CAPN2: variants seen among roughly 807,000 people sequenced by gnomAD.
CAPN2 encodes the protein calpain-2 catalytic subunit.
A neutral mutation model predicts 102.3 loss-of-function variants in CAPN2; 92 were observed. That is an observed-to-expected ratio of 0.90 (90% CI 0.76 to 1.07). The LOEUF is 1.07. CAPN2 is among the 50% of genes least tolerant of loss of function. CAPN2 has a pLI of 0.00. For synonymous variants in CAPN2, 340 were observed against 355.4 expected (o/e 0.96, Z 0.49); for missense variants, 800 against 909.4 (o/e 0.88, Z 1.55).
chr1:223,755,550 G>A lies in CAPN2; in HGVS notation c.1206G>A (p.Glu402=). 1.9e-6 allele frequency: 3 copies of A among 1,614,094 alleles called. No homozygotes were observed. Among genetic ancestry groups the A allele is most frequent in the Admixed American group, 1.7e-5 (1 of 60,024 alleles). Residue 402 remains glutamate (E), a synonymous_variant, in exon 10 of 21, where the codon GAG becomes GAA. Coordinates refer to ENST00000295006, the MANE Select transcript of CAPN2 (RefSeq NM_001748.5). This position sits in a 1 kb window ranked among gnomAD's most constrained non-coding sequence, Gnocchi z 4.1. ...AGGATGAGGACGAGGAGGATGGGGAGAGCGGCTGCACCTTCCTGGTGGGGC... is the reference window on the plus strand; with the variant it reads ...AGGATGAGGACGAGGAGGATGGGGAAAGCGGCTGCACCTTCCTGGTGGGGC... The part of the protein sequence containing the change: ...EEEDEDEEDG[E]SGCTFLVGLI...
At chr1:223,712,196 C>T (rs28370006), upstream of CAPN2, 885 of 152,914 alleles carry the variant, frequency 5.8e-3, 7 homozygotes, top group African/African-American at 0.021. Flanking sequence ...GTTTCCTCGA[C>T]TTCACTACCT....
intron 2 of CAPN2, among the ~76,000 whole-genome samples, chr1:223,738,613 GGCAGGCTCACGT>G (rs1205409659): frequency 5.9e-5 from 9 of 152,182 alleles, no homozygotes; most frequent in African/African-American, 2.2e-4. Flanking sequence ...AGCGCCTCCA[GGCAGGCTCACGT>G]GCACACTCTG....
chr1:223,759,452 G>A lies in CAPN2; in HGVS notation c.1500G>A (p.Arg500=), dbSNP rs375605587. The A allele has an allele frequency of 1.1e-5, 18 of 1,613,996 alleles. No individual in the cohort carries two copies. In the East Asian group the frequency reaches 2.2e-4, roughly 20 times the overall value. Residue 500 remains arginine (R), a synonymous_variant, in exon 12 of 21, where the codon CGG becomes CGA. Transcript: ENST00000295006. This position sits in a 1 kb window ranked among gnomAD's most constrained non-coding sequence, Gnocchi z 4.6. ...EPNKDGDFCI[R]VFSEKKADYQ... ...ACAAGGATGGGGATTTCTGCATCCG[G>A]GTCTTTTCTGAAAAGAAAGCTGACT...
At chr1:223,746,468 C>T (rs988214505) in intron 4 of CAPN2, among the ~76,000 whole-genome samples, 4 of 109,776 alleles carry the variant, frequency 3.6e-5, no homozygotes, top group East Asian at 2.7e-4. Context: ...TAAGGTTCTA[C>T]GAGAATCTTT....
rs1239272985 is a variant in CAPN2 at position 223,754,198 on chromosome 1, C to A, written c.1135+1242C>A. ...CTCTGTGACAGATGAGGAAGCTGAG[C>A]CTCTAAGTCGCATACCAGGGCCACA... On this transcript the variant is annotated intron_variant, in intron 9 of 20. Transcript: ENST00000295006. This position sits in a 1 kb window ranked among gnomAD's most constrained non-coding sequence, Gnocchi z 4.7. 2.0e-5 allele frequency among the ~76,000 whole-genome samples: 3 copies of A among 152,184 alleles called. No homozygotes were observed. Among genetic ancestry groups the A allele is most frequent in the Non-Finnish European group, 1.5e-5 (1 of 68,030 alleles).
chr1:223,733,606 C>G, intron 2 of CAPN2, among the ~76,000 whole-genome samples: 1 of 152,154 alleles, frequency 6.6e-6, no homozygotes, highest in Non-Finnish European at 1.5e-5. Flanking sequence ...CTCCGTGGGT[C>G]CCCAAGAAAG....
upstream of CAPN2, among the ~76,000 whole-genome samples, chr1:223,709,255 G>T (rs1342598707): frequency 1.3e-5 from 2 of 152,296 alleles, no homozygotes; most frequent in African/African-American, 4.8e-5. Context: ...TAAGCAATGG[G>T]TGTCAGAGAC....
chr1:223,708,703 G>A (rs1294852514), upstream of CAPN2, among the ~76,000 whole-genome samples: 3 of 151,812 alleles, frequency 2.0e-5, no homozygotes, highest in East Asian at 1.9e-4. Context: ...CCCGGGAGGC[G>A]AAGGTTGCAG....
rs1661048392 is a variant in CAPN2 at position 223,756,861 on chromosome 1, G to A, written c.1306-508G>A. 6.6e-6 allele frequency among the ~76,000 whole-genome samples: 1 copy of A among 152,224 alleles called. No homozygotes were observed. Among genetic ancestry groups the A allele is most frequent in the African/African-American group, 2.4e-5 (1 of 41,448 alleles). ...ACCGGCTTATGGGCTTGGAAATGCA[G>A]CCACGGGCTTTCAGAGTTGGGACGG... On this transcript the variant is annotated intron_variant, in intron 10 of 20. Transcript: ENST00000295006. This position sits in a 1 kb window ranked among gnomAD's most constrained non-coding sequence, Gnocchi z 4.1.
intron 2 of CAPN2, among the ~76,000 whole-genome samples, chr1:223,742,682 G>C (rs1159611488): frequency 3.7e-5 from 5 of 136,564 alleles, no homozygotes; most frequent in Non-Finnish European, 7.4e-5. Flanking sequence ...ACCACACCTG[G>C]CAAATTTTTG....
intron 2 of CAPN2, among the ~76,000 whole-genome samples, chr1:223,734,712 C>G (rs114913299): frequency 0.017 from 2,551 of 152,248 alleles, 76 homozygotes; most frequent in African/African-American, 0.059. Context: ...ATGTACCAAT[C>G]GAAACTCCAC....
chr1:223,757,747 C>A, intron 11 of CAPN2: 2 of 303,160 alleles, frequency 6.6e-6, no homozygotes, highest in Non-Finnish European at 1.2e-5. Context: ...GCAGACTGTA[C>A]TAGAAGACAA....
chr1:223,737,933 A>C (rs1164599466), intron 2 of CAPN2, among the ~76,000 whole-genome samples: 1 of 152,120 alleles, frequency 6.6e-6, no homozygotes, highest in Non-Finnish European at 1.5e-5. Flanking sequence ...CCAGGGGAGC[A>C]CAGGGAAGGT....
chr1:223,735,807 T>A (rs1199525151), intron 2 of CAPN2, among the ~76,000 whole-genome samples: 1 of 149,740 alleles, frequency 6.7e-6, no homozygotes, highest in East Asian at 2.0e-4. Context: ...TGAGACGGAG[T>A]CTCGATCTGT....
chr1:223,734,582 C>T (rs770550095), intron 2 of CAPN2, among the ~76,000 whole-genome samples: 12 of 152,172 alleles, frequency 7.9e-5, no homozygotes, highest in Non-Finnish European at 1.3e-4. Flanking sequence ...AGCTCCCCTC[C>T]CTCCTCACTG....
intron 2 of CAPN2, among the ~76,000 whole-genome samples, chr1:223,723,740 C>T (rs1660118418): frequency 6.6e-6 from 1 of 151,866 alleles, no homozygotes; most frequent in Admixed American, 6.6e-5. Context: ...ACCCTGGCTG[C>T]CTCAGCTTTG....
chr1:223,769,980 C>A (rs150563640), intron 17 of CAPN2, 71 bp downstream of exon 17: 12 of 1,166,342 alleles, frequency 1.0e-5, no homozygotes, highest in African/African-American at 1.5e-5. Flanking sequence ...GATGCAGCAA[C>A]TCCTGCACAG....
At chr1:223,748,696 A>C (rs1167385945) in intron 5 of CAPN2, among the ~76,000 whole-genome samples, 2 of 148,002 alleles carry the variant, frequency 1.4e-5, no homozygotes, top group Non-Finnish European at 3.0e-5. Context: ...TCCCTGCGCC[A>C]TCGAGGACCC....
chr1:223,714,138 C>T (rs72749513), intron 1 of CAPN2, among the ~76,000 whole-genome samples: 3,358 of 152,264 alleles, frequency 0.022, 43 homozygotes, highest in Non-Finnish European at 0.033. Context: ...CAGCCACCTC[C>T]CCACCTTGTT....
Sources: allele counts gnomAD v4.1 joint callset (sites outside exome capture counted in the v4.1 genomes callset), GRCh38; gene constraint gnomAD v4.1.1; non-coding constraint Gnocchi (gnomAD v3.1); transcripts MANE v1.5; gene names NCBI Gene and HGNC (gene_info 2026-07-23, HGNC 2026-07-21).